RABGAP1L: variants seen among roughly 807,000 people sequenced by gnomAD.
RABGAP1L encodes the protein rab GTPase-activating protein 1-like.
In RABGAP1L, 63 loss-of-function variants were observed where a neutral mutation model predicts 137.7. The ratio of observed to expected loss-of-function variants is 0.46; its 90% CI spans 0.37 to 0.56. RABGAP1L has a LOEUF of 0.56. Among genes scored for constraint, RABGAP1L ranks in the 20% least tolerant of loss-of-function variants. The probability of loss-of-function intolerance (pLI) is 0.00; values close to 1 mark genes in which losing one functional copy is unlikely to be tolerated. For synonymous variants in RABGAP1L, 431 were observed against 433.7 expected (o/e 0.99, Z 0.08); for missense variants, 1,095 against 1,244.0 (o/e 0.88, Z 1.80).
intron 18 of RABGAP1L, among the ~76,000 whole-genome samples, chr1:174,772,098 C>A (rs1480911850): frequency 6.6e-6 from 1 of 151,894 alleles, no homozygotes; most frequent in Non-Finnish European, 1.5e-5. Context: ...ACTCGAGAGG[C>A]TGAGGCAAAG....
intron 10 of RABGAP1L, among the ~76,000 whole-genome samples, chr1:174,282,046 G>A (rs1351847796): frequency 6.6e-6 from 1 of 152,134 alleles, no homozygotes; most frequent in Non-Finnish European, 1.5e-5. Flanking sequence ...TTGTATAGCT[G>A]TACCATAATT....
chr1:174,466,229 A>T (rs1657281192), intron 13 of RABGAP1L, among the ~76,000 whole-genome samples: 2 of 152,170 alleles, frequency 1.3e-5, no homozygotes, highest in Admixed American at 1.3e-4. Flanking sequence ...TTCTACTTTA[A>T]TGTGATCTTT....
intron 17 of RABGAP1L, among the ~76,000 whole-genome samples, chr1:174,742,011 C>T (rs1037987682): frequency 7.1e-6 from 1 of 141,178 alleles, no homozygotes; most frequent in African/African-American, 2.7e-5. Flanking sequence ...TATGCTCCAG[C>T]CTGGGTGACA....
At chr1:174,344,376 A>G (rs188148562) in intron 11 of RABGAP1L, among the ~76,000 whole-genome samples, 68 of 152,260 alleles carry the variant, frequency 4.5e-4, no homozygotes, top group Admixed American at 5.9e-4. Context: ...TTTCGTTCTC[A>G]TAAGTAGTTG....
intron 13 of RABGAP1L, among the ~76,000 whole-genome samples, chr1:174,634,800 G>A (rs557273844): frequency 0.021 from 3,121 of 145,522 alleles, 50 homozygotes; most frequent in Middle Eastern, 0.086. Flanking sequence ...AGCAAACACC[G>A]CATATTCTCC....
intron 13 of RABGAP1L, among the ~76,000 whole-genome samples, chr1:174,532,756 A>G (rs1456554961): frequency 6.6e-6 from 1 of 152,234 alleles, no homozygotes; most frequent in Non-Finnish European, 1.5e-5. Flanking sequence ...TGTATTACAT[A>G]TAACGGAATA....
chr1:174,247,215 G>C (rs2148581433), intron 5 of RABGAP1L, among the ~76,000 whole-genome samples: 1 of 152,272 alleles, frequency 6.6e-6, no homozygotes, highest in Admixed American at 6.5e-5. Flanking sequence ...GAAGAGATGA[G>C]AAAGGGGAAA....
intron 14 of RABGAP1L, among the ~76,000 whole-genome samples, chr1:174,668,221 C>G (rs569466963): frequency 6.6e-6 from 1 of 152,152 alleles, no homozygotes; most frequent in Non-Finnish European, 1.5e-5. Context: ...ACCTATCTAA[C>G]TATAATTATG....
intron 12 of RABGAP1L, among the ~76,000 whole-genome samples, chr1:174,378,320 C>G (rs919924678): frequency 1.3e-5 from 2 of 151,580 alleles, no homozygotes; most frequent in African/African-American, 4.8e-5. Flanking sequence ...ATGGCTGGGT[C>G]AAATGGTATT....
intron 17 of RABGAP1L, among the ~76,000 whole-genome samples, chr1:174,751,837 G>A (rs923491692): frequency 1.3e-5 from 2 of 152,112 alleles, no homozygotes; most frequent in Non-Finnish European, 2.9e-5. Context: ...TGGAAATGCA[G>A]TGTGATACTT....
intron 13 of RABGAP1L, among the ~76,000 whole-genome samples, chr1:174,561,141 C>T (rs1166601863): frequency 3.9e-5 from 6 of 152,146 alleles, no homozygotes; most frequent in African/African-American, 1.4e-4. Flanking sequence ...CCAAAATCTC[C>T]TTAAGCTGAT....
At chr1:174,199,117 A>G (rs1467878306) in intron 1 of RABGAP1L, among the ~76,000 whole-genome samples, 1 of 152,184 alleles carries the variant, frequency 6.6e-6, no homozygotes, top group African/African-American at 2.4e-5. Flanking sequence ...TCGACAAAAG[A>G]AAAAGTTCTT....
chr1:174,417,554 A>G (rs1650747286), intron 13 of RABGAP1L, among the ~76,000 whole-genome samples: 1 of 152,222 alleles, frequency 6.6e-6, no homozygotes, highest in Non-Finnish European at 1.5e-5. Flanking sequence ...CTTGAACAAG[A>G]ACAGTGATAA....
At chr1:174,597,101 T>C (rs1417032789) in intron 13 of RABGAP1L, among the ~76,000 whole-genome samples, 1 of 152,194 alleles carries the variant, frequency 6.6e-6, no homozygotes, top group African/African-American at 2.4e-5. Context: ...TTTAATGTGT[T>C]GTTGAATTTG....
intron 21 of RABGAP1L, among the ~76,000 whole-genome samples, chr1:174,975,795 G>T (rs1479048302): frequency 1.3e-5 from 2 of 152,176 alleles, no homozygotes; most frequent in Non-Finnish European, 2.9e-5. Context: ...GACTCTATTA[G>T]ATGTGTGACC....
At chr1:174,534,802 A>AAAAAAAAAAAAAAAAAAAT (rs1553324953) in intron 13 of RABGAP1L, among the ~76,000 whole-genome samples, 5 of 137,264 alleles carry the variant, frequency 3.6e-5, no homozygotes, top group East Asian at 2.1e-4. Context: ...AAAAAAAAAA[A>AAAAAAAAAAAAAAAAAAAT]AATAATTAGA....
chr1:174,707,474 G>A (rs889271598), intron 17 of RABGAP1L, among the ~76,000 whole-genome samples: 19 of 152,160 alleles, frequency 1.2e-4, no homozygotes, highest in African/African-American at 4.6e-4. Context: ...AAAGAGCAAT[G>A]TAGAGACGGT....
intron 1 of RABGAP1L, among the ~76,000 whole-genome samples, chr1:174,216,248 A>G (rs1368878352): frequency 6.6e-6 from 1 of 152,196 alleles, no homozygotes; most frequent in Non-Finnish European, 1.5e-5. Flanking sequence ...CTAGCACAGC[A>G]GGGTGAATGT....
At chr1:174,236,515 T>C (rs982305599) in intron 4 of RABGAP1L, among the ~76,000 whole-genome samples, 1 of 150,144 alleles carries the variant, frequency 6.7e-6, no homozygotes, top group Non-Finnish European at 1.5e-5. Flanking sequence ...TCTGCCTTCA[T>C]TTCGTTATGT....
Sources: allele counts gnomAD v4.1 joint callset (sites outside exome capture counted in the v4.1 genomes callset), GRCh38; gene constraint gnomAD v4.1.1; transcripts MANE v1.5; gene names NCBI Gene and HGNC (gene_info 2026-07-23, HGNC 2026-07-21).